The following UBXN6 variants were observed in gnomAD, a reference collection of about 807,000 sequenced individuals.
UBXN6 encodes UBX domain-containing protein 6.
Under a neutral mutation model 51.4 loss-of-function variants are expected in UBXN6, and 44 were observed. That is an observed-to-expected ratio of 0.86 (90% CI 0.67 to 1.10). The LOEUF is 1.10. Among genes scored for constraint, UBXN6 ranks in the 50% least tolerant of loss-of-function variants. The pLI is 0.00. For synonymous variants in UBXN6, 316 were observed against 263.2 expected (o/e 1.20, Z -1.94); for missense variants, 672 against 596.1 (o/e 1.13, Z -1.32).
intron 4 of UBXN6, among the ~76,000 whole-genome samples, chr19:4,451,673 T>C (rs1450052545): frequency 3.3e-5 from 5 of 152,016 alleles, no homozygotes; most frequent in African/African-American, 1.2e-4. Context: ...GTTTTGCTCT[T>C]GTTGCCCAGG....
chr19:4,451,355 G>T (rs945609789), intron 4 of UBXN6, among the ~76,000 whole-genome samples: 7 of 152,152 alleles, frequency 4.6e-5, no homozygotes, highest in African/African-American at 1.7e-4. Context: ...ACCGCGCCCA[G>T]CCACTTACTA....
intron 1 of UBXN6, 70 bp from the exon 2 acceptor site, chr19:4,454,163 C>A: frequency 6.9e-7 from 1 of 1,442,638 alleles, no homozygotes; most frequent in Non-Finnish European, 9.2e-7. Flanking sequence ...TGCAGTCACA[C>A]AGAGGAGCTT....
intron 4 of UBXN6, among the ~76,000 whole-genome samples, chr19:4,451,501 C>T (rs541801311): frequency 2.6e-5 from 4 of 152,230 alleles, no homozygotes; most frequent in East Asian, 1.9e-4. Flanking sequence ...TGCAGGTGCA[C>T]GCCACCATGC....
intron 4 of UBXN6, chr19:4,450,147 C>T (rs1296463121): frequency 1.3e-5 from 2 of 151,284 alleles, no homozygotes. Flanking sequence ...ATTGCTTGAA[C>T]CCGGGAAGCA....
intron 2 of UBXN6, 149 bp from the exon 3 acceptor site, chr19:4,453,671 G>T (rs973645188): frequency 9.2e-7 from 1 of 1,090,432 alleles, no homozygotes; most frequent in Non-Finnish European, 1.3e-6. Context: ...GAGGTCCCCT[G>T]CAGGACTTGC....
At chr19:4,447,662 A>C (rs1974565355) in intron 5 of UBXN6, 37 bp from the exon 6 acceptor site, 1 of 1,609,710 alleles carries the variant, frequency 6.2e-7, no homozygotes, top group African/African-American at 1.3e-5. Flanking sequence ...GGCACAGCCC[A>C]GGCTGCCCAC....
At position 4,446,658 on chromosome 19, in the gene UBXN6, C is replaced by T; in HGVS notation, c.762G>A (p.Glu254=). 3 of 1,612,308 alleles carry T rather than the reference C, an allele frequency of 1.9e-6. No homozygotes were observed. Among genetic ancestry groups the T allele is most frequent in the East Asian group, 2.2e-5 (1 of 44,868 alleles). Residue 254 remains glutamate, a synonymous_variant, in exon 8 of 11, where the codon GAG becomes GAA. Coordinates refer to ENST00000301281, the MANE Select transcript of UBXN6 (RefSeq NM_025241.3). ...CAGCCAGCAGCTGTTCCTTGTGCCTCTCCAGGCTCTGGGGCTGGGCCAAGG... is the reference window on the plus strand; with the variant it reads ...CAGCCAGCAGCTGTTCCTTGTGCCTTTCCAGGCTCTGGGGCTGGGCCAAGG... ...ETTLAQPQSL[E]RHKEQLLAAE...
At position 4,449,131 on chromosome 19, in the gene UBXN6, A is replaced by T. The variant is rs117607603; in HGVS notation, c.442-716T>A. On this transcript the variant is annotated intron_variant, in intron 4 of 10. Coordinates refer to ENST00000301281, the MANE Select transcript of UBXN6 (RefSeq NM_025241.3). ...GAGGCTGAGAACAGTACGTACCCTAAGACCTGGAAAAGATTGGGGCACAAA... is the reference window on the plus strand; with the variant it reads ...GAGGCTGAGAACAGTACGTACCCTATGACCTGGAAAAGATTGGGGCACAAA... The T allele has an allele frequency of 5.1e-3, 777 of 152,766 alleles. 2 individuals are homozygous for T. The highest frequency in any genetic ancestry group is 8.7e-3 in the Non-Finnish European group (592 of 68,386). 9.5% of individuals were successfully genotyped at this position (152,766 alleles called of 1,614,324 possible).
intron 1 of UBXN6, chr19:4,455,218 T>TA (rs1974723974): frequency 1.0e-6 from 1 of 985,370 alleles, no homozygotes; most frequent in East Asian, 1.1e-4. Context: ...CCCATGAACT[T>TA]ACGGGCTGTG....
At chr19:4,454,782 C>T (rs1599681752) in intron 1 of UBXN6, 1 of 152,262 alleles carries the variant, frequency 6.6e-6, no homozygotes, top group African/African-American at 2.4e-5. Context: ...CCATAAGACT[C>T]TCCACCCTCA....
Position 4,446,362 on chromosome 19 carries a change from C to T in UBXN6, c.972G>A (p.Glu324=). 1 of 1,573,194 alleles carries T rather than the reference C, an allele frequency of 6.4e-7. No homozygotes were observed. The highest frequency in any genetic ancestry group is 8.6e-7 in the Non-Finnish European group (1 of 1,166,156). The change falls in exon 9 of 11, where the codon GAG becomes GAA. Residue 324 remains glutamate, a synonymous_variant. Coordinates refer to ENST00000301281, the MANE Select transcript of UBXN6 (RefSeq NM_025241.3). The part of the protein sequence containing the change: ...LSVLRTKAMR[E]KEEQRGLRKY... ...TGCGCAGCCCCCGCTGCTCCTCCTTCTCCCGCATGGCCTTGGTCCGCAGCA... is the reference window on the plus strand; with the variant it reads ...TGCGCAGCCCCCGCTGCTCCTCCTTTTCCCGCATGGCCTTGGTCCGCAGCA...
chr19:4,448,869 C>T (rs140113334), intron 4 of UBXN6: 12 of 172,986 alleles, frequency 6.9e-5, no homozygotes, highest in Non-Finnish European at 1.3e-4. Context: ...ACAAAGAGAC[C>T]GAGAGGCCCA....
intron 1 of UBXN6, among the ~76,000 whole-genome samples, chr19:4,455,801 A>T (rs1330875581): frequency 6.6e-6 from 1 of 151,964 alleles, no homozygotes; most frequent in Non-Finnish European, 1.5e-5. Context: ...GGAGAGAAGG[A>T]GGGGCAGATT....
At chr19:4,457,877 AC>A, upstream of UBXN6, 1 of 409,396 alleles carries the variant, frequency 2.4e-6, no homozygotes, top group East Asian at 5.1e-5. Flanking sequence ...GTGACAATCG[AC>A]TAGACGTGCC....
At chr19:4,453,892 A>G (rs1477845075) in intron 2 of UBXN6, 38 bp downstream of exon 2, 1 of 1,593,236 alleles carries the variant, frequency 6.3e-7, no homozygotes, top group East Asian at 2.2e-5. Flanking sequence ...AGAACCTCAA[A>G]CAGCCCCAAC....
chr19:4,452,727 C>T (rs1345756026), intron 3 of UBXN6, among the ~76,000 whole-genome samples: 1 of 152,130 alleles, frequency 6.6e-6, no homozygotes, highest in Non-Finnish European at 1.5e-5. Flanking sequence ...AGGTAAGGAA[C>T]GGAAAGTACG....
At chr19:4,448,460 C>A (rs1055614591) in intron 4 of UBXN6, 45 bp from the exon 5 acceptor site, 6 of 1,499,308 alleles carry the variant, frequency 4.0e-6, no homozygotes, top group Non-Finnish European at 5.5e-6. Flanking sequence ...AGAGCCCGGG[C>A]CGCACGGCCC....
chr19:4,447,982 G>A (rs1974573508), intron 5 of UBXN6: 2 of 505,838 alleles, frequency 4.0e-6, no homozygotes, highest in Non-Finnish European at 3.6e-6. Context: ...CTCCCTCGGC[G>A]TTGGCGGGCA....
chr19:4,455,220 C>T lies in UBXN6; in HGVS notation c.84-1127G>A, dbSNP rs1005940305. On this transcript the variant is annotated intron_variant, in intron 1 of 10. Transcript: ENST00000301281. ...CTCTCAGGCCCCTCCCATGAACTTA[C>T]GGGCTGTGTCAATTTCTGTGCCGTA... 10 of 985,422 alleles carry T rather than the reference C, an allele frequency of 1.0e-5. No homozygotes were observed. The East Asian group carries it at 5.7e-4, about 56-fold the overall frequency. 61.0% of individuals were successfully genotyped at this position (985,422 alleles called of 1,614,324 possible). A position where few individuals can be genotyped will look rare whatever the true frequency, so the allele number is the denominator to read the frequency against.
Sources: gnomAD v4.1 joint callset for allele counts (sites outside exome capture counted in the v4.1 genomes callset) on GRCh38, gnomAD v4.1.1 for gene constraint, MANE v1.5 for transcripts, NCBI Gene and HGNC (gene_info 2026-07-23, HGNC 2026-07-21) for gene names.